Variants in ABCC1 observed in about 807,000 individuals in gnomAD.
ABCC1 encodes the protein multidrug resistance-associated protein 1.
In ABCC1, 83 loss-of-function variants were observed where a neutral mutation model predicts 172.9. The ratio of observed to expected loss-of-function variants is 0.48; its 90% CI spans 0.40 to 0.58. The LOEUF (loss-of-function observed/expected upper bound fraction) is 0.58, where lower values mean the gene tolerates loss of function less well. Among genes scored for constraint, ABCC1 ranks in the 20% least tolerant of loss-of-function variants. ABCC1 has a pLI of 0.00. For synonymous variants in ABCC1, 937 were observed against 825.2 expected (o/e 1.14, Z -2.32); for missense variants, 1,817 against 2,002.7 (o/e 0.91, Z 1.77).
At chr16:16,127,628 C>T (rs1357842915) in intron 26 of ABCC1, among the ~76,000 whole-genome samples, 2 of 152,214 alleles carry the variant, frequency 1.3e-5, no homozygotes, top group African/African-American at 2.4e-5. Context: ...GCCTGTGCCT[C>T]CTCAGAGACC....
intron 17 of ABCC1, among the ~76,000 whole-genome samples, chr16:16,084,137 C>G (rs916183846): frequency 1.3e-5 from 2 of 152,116 alleles, no homozygotes; most frequent in Non-Finnish European, 2.9e-5. Context: ...GAGTCTTGCT[C>G]TCTTGCCCAG....
At chr16:16,140,765 C>T (rs1208926347) in intron 30 of ABCC1, among the ~76,000 whole-genome samples, 2 of 152,218 alleles carry the variant, frequency 1.3e-5, no homozygotes, top group Non-Finnish European at 2.9e-5. Flanking sequence ...ATAAATACAG[C>T]AGAGATGCGT....
chr16:16,131,704 G>C, intron 26 of ABCC1, 85 bp from the exon 27 acceptor site: 1 of 1,506,522 alleles, frequency 6.6e-7, no homozygotes, highest in Non-Finnish European at 9.0e-7. Flanking sequence ...GGGCAGCAGA[G>C]TGAGTGAGAG....
At chr16:16,064,268 T>C (rs1242319611) in intron 12 of ABCC1, among the ~76,000 whole-genome samples, 2 of 152,154 alleles carry the variant, frequency 1.3e-5, no homozygotes, top group African/African-American at 4.8e-5. Context: ...CAAGGCGAAC[T>C]CCAGTCTCCT....
chr16:15,966,002 G>T (rs2046234092), intron 1 of ABCC1, among the ~76,000 whole-genome samples: 1 of 152,054 alleles, frequency 6.6e-6, no homozygotes, highest in Admixed American at 6.6e-5. Flanking sequence ...ATCTGAAAAG[G>T]CTTCACTCTA....
Position 16,087,137 on chromosome 16 carries a change from T to C in ABCC1, c.2460+146T>C. On this transcript the variant is annotated intron_variant, in intron 18 of 30. Coordinates refer to ENST00000399410, the MANE Select transcript of ABCC1 (RefSeq NM_004996.4). The stretch of plus-strand genomic sequence containing the variant: ...AAGAACACATTTCTCATGCTTGTCT[T>C]GGAAGCCTTCCTAAGACAGCCGTCT... 5 of 1,022,822 alleles carry C rather than the reference T, an allele frequency of 4.9e-6. No homozygotes were observed. In the South Asian group the frequency reaches 6.7e-5, roughly 14 times the overall value. 63.4% of individuals were successfully genotyped at this position (1,022,822 alleles called of 1,614,324 possible).
chr16:15,989,589 G>A (rs998084509), intron 1 of ABCC1, among the ~76,000 whole-genome samples: 1 of 152,078 alleles, frequency 6.6e-6, no homozygotes, highest in Non-Finnish European at 1.5e-5. Flanking sequence ...TTCTGAGTGT[G>A]GCATTTAGGA....
chr16:16,075,850 C>G (rs1450415570), intron 14 of ABCC1, among the ~76,000 whole-genome samples: 1 of 152,112 alleles, frequency 6.6e-6, no homozygotes, highest in Non-Finnish European at 1.5e-5. Flanking sequence ...TGAACGACCT[C>G]CCTTTGCACC....
chr16:16,014,727 A>G, intron 4 of ABCC1, 99 bp downstream of exon 4: 1 of 1,440,112 alleles, frequency 6.9e-7, no homozygotes, highest in Non-Finnish European at 9.5e-7. Context: ...TGCCATGGGA[A>G]CCAGGGGCTG....
intron 15 of ABCC1, among the ~76,000 whole-genome samples, chr16:16,076,697 T>G (rs1942296212): frequency 6.6e-6 from 1 of 152,156 alleles, no homozygotes; most frequent in Non-Finnish European, 1.5e-5. Context: ...ACTGGGAAGT[T>G]CTACTTTCAG....
intron 1 of ABCC1, among the ~76,000 whole-genome samples, chr16:16,005,569 A>T (rs2047498719): frequency 6.6e-6 from 1 of 151,896 alleles, no homozygotes; most frequent in Non-Finnish European, 1.5e-5. Flanking sequence ...GATGGTCTTG[A>T]TCTCCTGACC....
At chr16:16,050,513 G>GT (rs75518951) in intron 10 of ABCC1, among the ~76,000 whole-genome samples, 20,420 of 150,514 alleles carry the variant, frequency 0.14, 2,930 homozygotes, top group African/African-American at 0.35. Context: ...CTGTAGTTTG[G>GT]TTTTTTTTTG....
chr16:16,014,233 G>A (rs1004643601), intron 3 of ABCC1, among the ~76,000 whole-genome samples: 1 of 152,158 alleles, frequency 6.6e-6, no homozygotes. Context: ...ATCACCTGAG[G>A]TCAGGAGTTT....
intron 17 of ABCC1, 122 bp downstream of exon 17, chr16:16,083,664 G>A: frequency 2.3e-6 from 3 of 1,319,390 alleles, no homozygotes; most frequent in Non-Finnish European, 3.2e-6. Context: ...GCTCAGCTGG[G>A]CGGCTCTGCT....
chr16:16,009,554 C>T (rs988709327), intron 2 of ABCC1, among the ~76,000 whole-genome samples: 2 of 152,226 alleles, frequency 1.3e-5, no homozygotes, highest in African/African-American at 2.4e-5. Flanking sequence ...GGTAGTGGGG[C>T]GTAGCAGGCT....
intron 20 of ABCC1, chr16:16,105,583 G>T (rs1257152187): frequency 6.6e-6 from 1 of 152,310 alleles, no homozygotes. Flanking sequence ...GACTCATATG[G>T]GGCTCTTGAC....
chr16:15,999,828 C>CTG lies in ABCC1; in HGVS notation c.49-7987_49-7986insGT, dbSNP rs1482239389. Among the ~76,000 whole-genome samples, 104 of 17,996 alleles carry CTG rather than the reference C, an allele frequency of 5.8e-3. 3 individuals are homozygous for CTG. Among genetic ancestry groups the CTG allele is most frequent in the African/African-American group, 0.011 (93 of 8,488 alleles). The allele number at this position is 17,996 out of a possible 152,430, so 11.8% of individuals were successfully genotyped here. On this transcript the variant is annotated intron_variant, in intron 1 of 30. Coordinates refer to ENST00000399410, the MANE Select transcript of ABCC1 (RefSeq NM_004996.4). Reference sequence around the variant, plus strand: ...CTCTCTCCTCTCTCTCTCTCTCTCTCTCTCTGTCTCTTTCTTTCTTTCTTT... The same window carrying CTG: ...CTCTCTCCTCTCTCTCTCTCTCTCTCTGTCTCTGTCTCTTTCTTTCTTTCTTT...
At chr16:16,043,162 CA>C (rs1036751157) in intron 7 of ABCC1, among the ~76,000 whole-genome samples, 6 of 135,676 alleles carry the variant, frequency 4.4e-5, no homozygotes, top group South Asian at 4.9e-4. Context: ...TGCACCCAGT[CA>C]AAAAAAAAAT....
chr16:16,081,592 C>T (rs1389235607), intron 16 of ABCC1, among the ~76,000 whole-genome samples: 1 of 152,124 alleles, frequency 6.6e-6, no homozygotes. Flanking sequence ...TATGGTAAGG[C>T]ACCACTGTTG....
Sources: allele counts gnomAD v4.1 joint callset (sites outside exome capture counted in the v4.1 genomes callset), GRCh38; gene constraint gnomAD v4.1.1; transcripts MANE v1.5; gene names NCBI Gene and HGNC (gene_info 2026-07-23, HGNC 2026-07-21).